CSMD3: variants seen among roughly 807,000 people sequenced by gnomAD.
The protein encoded by CSMD3 is CUB and sushi domain-containing protein 3.
A neutral mutation model predicts 435.2 loss-of-function variants in CSMD3; 177 were observed. That is an observed-to-expected ratio of 0.41 (90% CI 0.36 to 0.46). CSMD3 has a LOEUF of 0.46. Among genes scored for constraint, CSMD3 ranks in the 20% least tolerant of loss-of-function variants. CSMD3 has a pLI of 0.34. For missense variants in CSMD3, 4,265 were observed against 4,504.6 expected (o/e 0.95, Z 1.52); for synonymous variants, 1,656 against 1,520.5 (o/e 1.09, Z -2.07).
intron 2 of CSMD3, among the ~76,000 whole-genome samples, chr8:113,300,604 A>G (rs952916653): frequency 4.6e-5 from 7 of 152,038 alleles, no homozygotes; most frequent in African/African-American, 1.4e-4. Flanking sequence ...ACCAAATACC[A>G]CATATTCTCA....
chr8:112,295,978 A>T lies in CSMD3; in HGVS notation c.8469T>A (p.Ile2823=). The stretch of plus-strand genomic sequence containing the variant: ...TTTCTCCAATGACTTGACCATTCAC[A>T]ATCAGTTCTGGAATTCCACAATGAC... ...LAGHCGIPEL[I]VNGQVIGENY... Residue 2823 remains isoleucine, a synonymous_variant, in exon 54 of 71, where the codon ATT becomes ATA. Transcript: ENST00000297405. 1 of 1,613,410 alleles carries T rather than the reference A, an allele frequency of 6.2e-7. No homozygotes were observed. The highest frequency in any genetic ancestry group is 8.5e-7 in the Non-Finnish European group (1 of 1,179,436).
At chr8:112,447,689 A>G (rs1366884525) in intron 32 of CSMD3, among the ~76,000 whole-genome samples, 2 of 152,142 alleles carry the variant, frequency 1.3e-5, no homozygotes, top group African/African-American at 4.8e-5. Context: ...TATACATGCA[A>G]AAATACATGC....
At chr8:112,512,497 T>C (rs575369013) in intron 28 of CSMD3, among the ~76,000 whole-genome samples, 1 of 152,292 alleles carries the variant, frequency 6.6e-6, no homozygotes, top group South Asian at 2.1e-4. Context: ...TTGAAAATCA[T>C]CTTTTTTTCT....
At chr8:113,032,994 C>T (rs1396697864) in intron 5 of CSMD3, among the ~76,000 whole-genome samples, 19 of 151,492 alleles carry the variant, frequency 1.3e-4, no homozygotes, top group African/African-American at 4.1e-4. Context: ...GTGGCTTCCA[C>T]GTGGTATTGG....
At chr8:112,388,051 G>T (rs916688265) in intron 36 of CSMD3, among the ~76,000 whole-genome samples, 3 of 152,170 alleles carry the variant, frequency 2.0e-5, no homozygotes, top group Non-Finnish European at 4.4e-5. Context: ...CACAGAAAAT[G>T]TATTTAAGTT....
intron 1 of CSMD3, among the ~76,000 whole-genome samples, chr8:113,348,085 A>C (rs1037794403): frequency 6.6e-6 from 1 of 152,180 alleles, no homozygotes; most frequent in Non-Finnish European, 1.5e-5. Flanking sequence ...CTAACCAGAA[A>C]ATAAGAAAAG....
At chr8:113,139,230 T>C (rs1320712077) in intron 4 of CSMD3, among the ~76,000 whole-genome samples, 1 of 150,754 alleles carries the variant, frequency 6.6e-6, no homozygotes, top group Non-Finnish European at 1.5e-5. Context: ...AATAACAAAA[T>C]TTGAAATATT....
intron 49 of CSMD3, 62 bp from the exon 50 acceptor site, chr8:112,311,228 A>T: frequency 3.0e-6 from 4 of 1,339,894 alleles, no homozygotes; most frequent in Non-Finnish European, 3.2e-6. Flanking sequence ...ACCCAAAGTG[A>T]TAAACACCTA....
At chr8:112,522,380 A>G (rs1409506943) in intron 27 of CSMD3, among the ~76,000 whole-genome samples, 1 of 151,960 alleles carries the variant, frequency 6.6e-6, no homozygotes, top group Non-Finnish European at 1.5e-5. Context: ...TATATTACTT[A>G]GAAATTGTTT....
chr8:112,439,666 G>T (rs2130486694), intron 32 of CSMD3, among the ~76,000 whole-genome samples: 1 of 152,192 alleles, frequency 6.6e-6, no homozygotes, highest in African/African-American at 2.4e-5. Flanking sequence ...GGAAGCCTCA[G>T]AAAACTTACA....
chr8:112,876,604 C>T (rs1329445113), intron 10 of CSMD3, among the ~76,000 whole-genome samples: 1 of 152,078 alleles, frequency 6.6e-6, no homozygotes, highest in African/African-American at 2.4e-5. Flanking sequence ...TCAATAGATG[C>T]ATAAAAGGCC....
Position 112,893,517 on chromosome 8 carries a change from T to G in CSMD3, c.1633+28110A>C, listed in dbSNP as rs182786850. On this transcript the variant is annotated intron_variant, in intron 10 of 70. Coordinates refer to ENST00000297405, the MANE Select transcript of CSMD3 (RefSeq NM_198123.2). ...ACAGCCACCATTGAGAACCACTCAC[T>G]GGCTTAGATAAAGTAACTAACTTCC... Among the ~76,000 whole-genome samples the G allele has an allele frequency of 2.3e-3, 352 of 151,608 alleles. 1 individual carries two copies. Among genetic ancestry groups the G allele is most frequent in the African/African-American group, 8.1e-3 (336 of 41,446 alleles).
At chr8:112,537,606 A>T (rs898091989) in intron 27 of CSMD3, among the ~76,000 whole-genome samples, 2 of 151,982 alleles carry the variant, frequency 1.3e-5, no homozygotes, top group Admixed American at 6.6e-5. Flanking sequence ...GAAGAAGAAT[A>T]TACAAACCAA....
chr8:113,053,857 A>G (rs1171979933), intron 5 of CSMD3, among the ~76,000 whole-genome samples: 1 of 152,210 alleles, frequency 6.6e-6, no homozygotes, highest in Non-Finnish European at 1.5e-5. Flanking sequence ...AAGTGGAATT[A>G]TTAATTATAT....
At chr8:113,388,029 C>T (rs954137656) in intron 1 of CSMD3, among the ~76,000 whole-genome samples, 12 of 151,508 alleles carry the variant, frequency 7.9e-5, no homozygotes, top group African/African-American at 2.4e-4. Context: ...CCAGATATCC[C>T]GCTATGTTTT....
chr8:113,314,568 A>G lies in CSMD3; in HGVS notation c.401+3T>C. 1.9e-6 allele frequency: 3 copies of G among 1,553,380 alleles called. No homozygotes were observed. Among genetic ancestry groups the G allele is most frequent in the Non-Finnish European group, 2.7e-6 (3 of 1,124,872 alleles). ...TCCAGTCTTCCATTCAAAACACACT[A>G]ACCTTGTCCTAAAGTTTGTAGGATG... On this transcript the variant is annotated splice_donor_region_variant and intron_variant, in intron 2 of 70. Coordinates refer to ENST00000297405, the MANE Select transcript of CSMD3 (RefSeq NM_198123.2).
chr8:112,264,561 AGT>A (rs1372733308), intron 60 of CSMD3, among the ~76,000 whole-genome samples: 2 of 152,100 alleles, frequency 1.3e-5, no homozygotes, highest in Non-Finnish European at 1.5e-5. Flanking sequence ...TGAATTAATA[AGT>A]GTATAGAATA....
At chr8:112,485,858 G>T (rs1470133621) in intron 31 of CSMD3, among the ~76,000 whole-genome samples, 3 of 151,854 alleles carry the variant, frequency 2.0e-5, no homozygotes, top group African/African-American at 4.8e-5. Context: ...CCAGAAGACC[G>T]CTGGATGTCT....
chr8:112,497,764 CT>C (rs1209151861), intron 30 of CSMD3, among the ~76,000 whole-genome samples: 2 of 151,788 alleles, frequency 1.3e-5, no homozygotes, highest in African/African-American at 2.4e-5. Context: ...CATTGTTAGC[CT>C]TAAGAAACTG....
Sources: allele counts gnomAD v4.1 joint callset (sites outside exome capture counted in the v4.1 genomes callset), GRCh38; gene constraint gnomAD v4.1.1; transcripts MANE v1.5; gene names NCBI Gene and HGNC (gene_info 2026-07-23, HGNC 2026-07-21).